TDRD7: variants seen among roughly 807,000 people sequenced by gnomAD.
TDRD7 encodes tudor domain-containing protein 7.
TDRD7 carries 47 observed loss-of-function variants against 109.8 expected under a neutral mutation model. The observed-to-expected ratio is 0.43, with a 90% CI of 0.34 to 0.55. TDRD7 has a LOEUF of 0.55. Among genes scored for constraint, TDRD7 ranks in the 20% least tolerant of loss-of-function variants. The pLI is 0.03. For missense variants in TDRD7, 1,164 were observed against 1,319.2 expected (o/e 0.88, Z 1.82); for synonymous variants, 424 against 457.3 (o/e 0.93, Z 0.93).
At chr9:97,421,286 T>C (rs1485896785) in intron 1 of TDRD7, among the ~76,000 whole-genome samples, 1 of 152,254 alleles carries the variant, frequency 6.6e-6, no homozygotes, top group Non-Finnish European at 1.5e-5. Flanking sequence ...CTAATAGATG[T>C]GTAGTGATAC....
At chr9:97,442,278 A>C (rs1385746367) in intron 6 of TDRD7, among the ~76,000 whole-genome samples, 1 of 152,172 alleles carries the variant, frequency 6.6e-6, no homozygotes, top group African/African-American at 2.4e-5. Context: ...ATTTTTAAAG[A>C]CTTGTAGCTG....
At chr9:97,483,807 A>G (rs1829165620) in intron 15 of TDRD7, among the ~76,000 whole-genome samples, 1 of 152,134 alleles carries the variant, frequency 6.6e-6, no homozygotes, top group Non-Finnish European at 1.5e-5. Context: ...TTGGTATATT[A>G]TTAGTATGTA....
At chr9:97,446,961 G>A (rs576707119) in intron 6 of TDRD7, among the ~76,000 whole-genome samples, 3 of 152,282 alleles carry the variant, frequency 2.0e-5, no homozygotes, top group African/African-American at 7.2e-5. Flanking sequence ...AGAAGCAGAA[G>A]TGAAGAGGTA....
In TDRD7 at chr9:97,464,906, A is replaced by G; in HGVS notation, c.1507A>G (p.Ser503Gly). The G allele has an allele frequency of 2.5e-6, 4 of 1,614,216 alleles. No individual in the cohort carries two copies. The highest frequency in any genetic ancestry group is 1.1e-5 in the South Asian group (1 of 91,090). The change falls in exon 8 of 17, where the codon AGT becomes GGT. Residue 503 changes from serine to glycine, a missense_variant. Ser to Gly is a moderately conservative substitution (Grantham distance 56). Coordinates refer to ENST00000355295, the MANE Select transcript of TDRD7 (RefSeq NM_014290.3). ...GGAAGATGAGATGAAGGAATATTAC[A>G]GTAAGAATCCTAAGATCACACCAGT... ...LMEDEMKEYYSKNPKITPVQA... is the reference protein window; with the variant it reads ...LMEDEMKEYYGKNPKITPVQA...
rs766391067 is a variant in TDRD7, at chr9:97,430,972, A to G, written c.247A>G (p.Ile83Val). 6.2e-7 allele frequency: 1 copy of G among 1,613,896 alleles called. No homozygotes were observed. The highest frequency in any genetic ancestry group is 2.2e-5 in the East Asian group (1 of 44,874). Residue 83 changes from isoleucine to valine, a missense_variant, in exon 3 of 17, where the codon ATT becomes GTT. Physicochemically the swap from Ile to Val is conservative, Grantham distance 29. Transcript: ENST00000355295. Reference protein sequence around the residue: ...YAMACTETARIAQLVARQRSS... With the variant: ...YAMACTETARVAQLVARQRSS... ...CATGGCCTGCACAGAAACTGCAAGAATTGCTCAGCTTGTGGCTCGTCAAAG... is the reference window on the plus strand; with the variant it reads ...CATGGCCTGCACAGAAACTGCAAGAGTTGCTCAGCTTGTGGCTCGTCAAAG...
chr9:97,454,133 C>T (rs1411262468), intron 6 of TDRD7, among the ~76,000 whole-genome samples: 4 of 152,128 alleles, frequency 2.6e-5, no homozygotes, highest in Non-Finnish European at 2.9e-5. Context: ...TGAAATTGAC[C>T]GCATATTTGG....
chr9:97,452,502 A>G (rs1251903858), intron 6 of TDRD7, among the ~76,000 whole-genome samples: 1 of 152,216 alleles, frequency 6.6e-6, no homozygotes, highest in East Asian at 1.9e-4. Flanking sequence ...AAGACTGGAA[A>G]GTGCTTACAA....
chr9:97,430,807 A>G (rs1828091066), intron 2 of TDRD7, 126 bp from the exon 3 acceptor site: 18 of 1,132,430 alleles, frequency 1.6e-5, no homozygotes, highest in East Asian at 2.3e-5. Context: ...AGCGAGACAC[A>G]TGAATATTTG....
intron 1 of TDRD7, among the ~76,000 whole-genome samples, chr9:97,415,270 G>T (rs138119817): frequency 6.6e-6 from 1 of 152,302 alleles, no homozygotes; most frequent in Admixed American, 6.5e-5. Flanking sequence ...ACTTAGAAAA[G>T]AGAAGGCATA....
At position 97,464,941 on chromosome 9, in the gene TDRD7, G is replaced by C. The variant is rs1052249017; in HGVS notation, c.1542G>C (p.Val514=). 6.2e-7 allele frequency: 1 copy of C among 1,614,186 alleles called. No homozygotes were observed. The highest frequency in any genetic ancestry group is 8.5e-7 in the Non-Finnish European group (1 of 1,180,028). ...CTAAGATCACACCAGTCCAGGCTGT[G>C]AATGTTGGGCAGTTGCTGGCCGTAA... ...KNPKITPVQA[V]NVGQLLAVNA... The change falls in exon 8 of 17, where the codon GTG becomes GTC. Residue 514 remains valine (V), a synonymous_variant. Transcript: ENST00000355295.
At chr9:97,471,024 C>T (rs969643423) in intron 9 of TDRD7, among the ~76,000 whole-genome samples, 1 of 152,100 alleles carries the variant, frequency 6.6e-6, no homozygotes, top group African/African-American at 2.4e-5. Context: ...CTCTCAGCCC[C>T]TTTCCCACTG....
At chr9:97,424,490 T>C (rs1044772660) in intron 1 of TDRD7, among the ~76,000 whole-genome samples, 6 of 152,234 alleles carry the variant, frequency 3.9e-5, no homozygotes, top group Non-Finnish European at 7.3e-5. Flanking sequence ...ATTTTGTGTG[T>C]TTGGAAGCTC....
At position 97,442,954 on chromosome 9, in the gene TDRD7, C is replaced by G. The variant is rs544505601; in HGVS notation, c.855+1079C>G. The stretch of plus-strand genomic sequence containing the variant: ...GGGGCTATGGGCGTTAGCCACTACG[C>G]CCAGCTAATATTTGTGTATTTAGTA... On this transcript the variant is annotated intron_variant, in intron 6 of 16. Transcript: ENST00000355295. Among the ~76,000 whole-genome samples the G allele has an allele frequency of 2.6e-5, 4 of 152,258 alleles. No homozygotes were observed. In the East Asian group the frequency reaches 7.7e-4, roughly 29 times the overall value.
At chr9:97,422,611 C>G (rs940151958) in intron 1 of TDRD7, among the ~76,000 whole-genome samples, 1 of 152,200 alleles carries the variant, frequency 6.6e-6, no homozygotes, top group African/African-American at 2.4e-5. Flanking sequence ...TGTTCCCAGT[C>G]TTAGGGAGAC....
At chr9:97,431,908 C>A in intron 3 of TDRD7, 117 bp from the exon 4 acceptor site, 1 of 967,768 alleles carries the variant, frequency 1.0e-6, no homozygotes, top group Non-Finnish European at 1.7e-6. Context: ...TCCTCGTGTT[C>A]TTACAAACTG....
chr9:97,473,769 A>G (rs778124508), intron 11 of TDRD7, 143 bp downstream of exon 11: 34 of 1,079,268 alleles, frequency 3.2e-5, no homozygotes, highest in Non-Finnish European at 4.6e-5. Flanking sequence ...AATAGTAGGT[A>G]AAGAGCTCCA....
At position 97,432,200 on chromosome 9, in the gene TDRD7, T is replaced by G. The variant is rs768538815; in HGVS notation, c.525T>G (p.Ile175Met). The G allele has an allele frequency of 1.2e-6, 2 of 1,613,806 alleles. No individual in the cohort carries two copies. The highest frequency in any genetic ancestry group is 4.5e-5 in the East Asian group (2 of 44,878). Residue 175 changes from isoleucine (I) to methionine (M), a missense_variant, in exon 4 of 17, where the codon ATT becomes ATG. Coordinates refer to ENST00000355295, the MANE Select transcript of TDRD7 (RefSeq NM_014290.3). ...TTGGAAATGAAGCATTCAAAGACAT[T>G]CCAGTGCAAAGGCATGTGACCATGT... ...TTLGNEAFKDIPVQRHVTMST... is the reference protein window; with the variant it reads ...TTLGNEAFKDMPVQRHVTMST...
intron 1 of TDRD7, among the ~76,000 whole-genome samples, chr9:97,418,518 C>T (rs1827849015): frequency 1.3e-5 from 2 of 151,892 alleles, no homozygotes; most frequent in African/African-American, 2.4e-5. Context: ...AAGAGGAAGA[C>T]TCTACCTGAA....
At chr9:97,489,796 T>C (rs1564217714) in intron 16 of TDRD7, among the ~76,000 whole-genome samples, 2 of 152,196 alleles carry the variant, frequency 1.3e-5, no homozygotes, top group Non-Finnish European at 2.9e-5. Context: ...CTTTCTCTCC[T>C]TTCTTAGGAT....
Sources: allele counts gnomAD v4.1 joint callset (sites outside exome capture counted in the v4.1 genomes callset), GRCh38; gene constraint gnomAD v4.1.1; transcripts MANE v1.5; gene names NCBI Gene and HGNC (gene_info 2026-07-23, HGNC 2026-07-21).